Variants in CENPC observed in about 807,000 individuals in gnomAD.
The protein encoded by CENPC is CENP-C 1.
CENPC carries 63 observed loss-of-function variants against 112.1 expected under a neutral mutation model. The ratio of observed to expected loss-of-function variants is 0.56; its 90% confidence interval spans 0.46 to 0.69. The LOEUF is 0.69. Ranked by LOEUF, CENPC falls within the 30% of genes least tolerant of loss-of-function variation. The pLI, the probability that CENPC is intolerant of heterozygous loss-of-function variation, is 0.00. For synonymous variants in CENPC, 333 were observed against 367.6 expected, an observed-to-expected ratio of 0.91 and a Z score of 1.08; for missense variants, 1,000 against 1,103.8, an observed-to-expected ratio of 0.91 and a Z score of 1.33.
chr4:67,521,181 G>A (rs552038842), intron 5 of CENPC, among the ~76,000 whole-genome samples: 267 of 133,466 alleles, frequency 2.0e-3, no homozygotes, highest in African/African-American at 6.6e-3. Flanking sequence ...AAAACAACTC[G>A]TCATACCAAA....
intron 18 of CENPC, among the ~76,000 whole-genome samples, chr4:67,472,928 G>T (rs1039773694): frequency 1.3e-5 from 2 of 152,056 alleles, no homozygotes; most frequent in South Asian, 2.1e-4. Flanking sequence ...TGAATCAGTC[G>T]AGAGTGTAAG....
intron 12 of CENPC, among the ~76,000 whole-genome samples, chr4:67,497,709 T>G (rs1353851727): frequency 6.6e-6 from 1 of 152,020 alleles, no homozygotes; most frequent in Admixed American, 6.6e-5. Context: ...ATTTTTGTAT[T>G]TTTTGTAGAA....
At chr4:67,545,192 T>A in intron 1 of CENPC, 146 bp downstream of exon 1, 1 of 724,892 alleles carries the variant, frequency 1.4e-6, no homozygotes, top group Non-Finnish European at 2.0e-6. Context: ...ACGATCACAC[T>A]TGATTTCAAA....
chr4:67,539,809 A>T, intron 4 of CENPC, 31 bp downstream of exon 4: 1 of 1,183,886 alleles, frequency 8.4e-7, no homozygotes. Flanking sequence ...TTAAAATATT[A>T]AACCTATACC....
At chr4:67,507,651 C>T (rs747100440) in intron 10 of CENPC, among the ~76,000 whole-genome samples, 1 of 152,138 alleles carries the variant, frequency 6.6e-6, no homozygotes, top group Non-Finnish European at 1.5e-5. Context: ...GGTGGCTTCA[C>T]TGCTTTTACC....
intron 5 of CENPC, among the ~76,000 whole-genome samples, chr4:67,521,411 G>A: frequency 6.6e-6 from 1 of 152,046 alleles, no homozygotes; most frequent in Non-Finnish European, 1.5e-5. Flanking sequence ...TTATCAGTAA[G>A]TAGTGATTTT....
chr4:67,528,942 C>T (rs1726463929), intron 5 of CENPC, among the ~76,000 whole-genome samples: 1 of 152,114 alleles, frequency 6.6e-6, no homozygotes, highest in South Asian at 2.1e-4. Flanking sequence ...ACCAGTGATG[C>T]ATGAGGGTTT....
chr4:67,486,178 A>C (rs1725088629), intron 17 of CENPC, among the ~76,000 whole-genome samples: 1 of 152,216 alleles, frequency 6.6e-6, no homozygotes, highest in Non-Finnish European at 1.5e-5. Flanking sequence ...ACATTTAATT[A>C]AGAAAGCTTT....
intron 17 of CENPC, among the ~76,000 whole-genome samples, chr4:67,486,795 C>G (rs1725105348): frequency 1.3e-5 from 2 of 152,060 alleles, no homozygotes; most frequent in Admixed American, 6.6e-5. Flanking sequence ...TTATTTCTTA[C>G]ATTTAATTTA....
intron 15 of CENPC, chr4:67,492,633 A>G: frequency 1.6e-6 from 1 of 629,822 alleles, no homozygotes; most frequent in Non-Finnish European, 2.3e-6. Context: ...GGTGGGTTTC[A>G]TTTGACTGGG....
intron 15 of CENPC, 78 bp downstream of exon 15, chr4:67,492,791 A>G (rs1725319342): frequency 7.1e-7 from 1 of 1,411,018 alleles, no homozygotes; most frequent in Non-Finnish European, 9.4e-7. Context: ...TAAATTTCAT[A>G]TTTTGCAAAG....
chr4:67,540,872 TA>T, intron 3 of CENPC, 107 bp downstream of exon 3: 1 of 782,710 alleles, frequency 1.3e-6, no homozygotes, highest in South Asian at 1.7e-5. Flanking sequence ...ATATTTTCCA[TA>T]TATTTAAACC....
In CENPC at chr4:67,545,401, A is replaced by G. The variant is rs747838904; in HGVS notation, c.-46T>C. On this transcript the variant is annotated 5_prime_UTR_variant, in exon 1 of 19. Coordinates refer to ENST00000273853, the MANE Select transcript of CENPC (RefSeq NM_001812.4). ...GCGCAACTGTCTGAGGTGGAAGCCC[A>G]CACGGACCACAGCTCCAGGAAGCCG... 6.1e-6 allele frequency: 9 copies of G among 1,483,966 alleles called. No homozygotes were observed. Among genetic ancestry groups the G allele is most frequent in the Non-Finnish European group, 8.1e-6 (9 of 1,112,634 alleles). The allele number at this position is 1,483,966 out of a possible 1,614,324, so 91.9% of individuals were successfully genotyped here. A position where few individuals can be genotyped will look rare whatever the true frequency, so the allele number is the denominator to read the frequency against.
At chr4:67,526,490 C>T (rs755262871) in intron 5 of CENPC, among the ~76,000 whole-genome samples, 3 of 151,616 alleles carry the variant, frequency 2.0e-5, no homozygotes, top group Non-Finnish European at 4.4e-5. Context: ...CAAAATAGTC[C>T]TATAACTATT....
At chr4:67,533,130 G>A (rs887701861) in intron 4 of CENPC, among the ~76,000 whole-genome samples, 4 of 152,166 alleles carry the variant, frequency 2.6e-5, no homozygotes, top group Non-Finnish European at 5.9e-5. Context: ...GTATCTCCCA[G>A]AATTTCCCTG....
intron 8 of CENPC, among the ~76,000 whole-genome samples, chr4:67,513,115 G>A (rs1293875584): frequency 1.3e-5 from 2 of 152,122 alleles, no homozygotes; most frequent in Non-Finnish European, 2.9e-5. Context: ...TAGTTTTGCA[G>A]ATGGTGGAGG....
At chr4:67,489,733 A>G (rs1725187615) in intron 17 of CENPC, among the ~76,000 whole-genome samples, 1 of 152,150 alleles carries the variant, frequency 6.6e-6, no homozygotes, top group Non-Finnish European at 1.5e-5. Flanking sequence ...TTTTAAGTAA[A>G]GAACATTCCT....
chr4:67,528,148 T>G lies in CENPC; in HGVS notation c.331+2667A>C, dbSNP rs906202510. On this transcript the variant is annotated intron_variant, in intron 5 of 18. Transcript: ENST00000273853. ...TAATTTTTTTAAAAACCTTGGTAAG[T>G]GCTGAATTAAAATTTTGATATAAAA... Among the ~76,000 whole-genome samples, 8 of 152,118 alleles carry G rather than the reference T, an allele frequency of 5.3e-5. No individual in the cohort carries two copies. The East Asian group carries it at 1.5e-3, about 29-fold the overall frequency.
At chr4:67,520,473 A>T (rs923003973) in intron 5 of CENPC, among the ~76,000 whole-genome samples, 4 of 152,122 alleles carry the variant, frequency 2.6e-5, no homozygotes, top group African/African-American at 7.2e-5. Flanking sequence ...CTGAGGCAAG[A>T]ACAGCGTAAG....
Sources: allele counts gnomAD v4.1 joint callset (sites outside exome capture counted in the v4.1 genomes callset), GRCh38; gene constraint gnomAD v4.1.1; transcripts MANE v1.5; gene names NCBI Gene and HGNC (gene_info 2026-07-23, HGNC 2026-07-21).